ATRN: variants seen among roughly 807,000 people sequenced by gnomAD.
ATRN encodes the protein attractin.
Under a neutral mutation model 178.7 loss-of-function variants are expected in ATRN, and 54 were observed. That is an observed-to-expected ratio of 0.30 (90% CI 0.24 to 0.38). The LOEUF (loss-of-function observed/expected upper bound fraction) is 0.38. ATRN is among the 10% of genes least tolerant of loss of function. The probability of loss-of-function intolerance (pLI) is 1.00; values close to 1 mark genes in which losing one functional copy is unlikely to be tolerated. For missense variants in ATRN, 1,443 were observed against 1,815.1 expected (o/e 0.79, Z 3.73); for synonymous variants, 636 against 663.0 (o/e 0.96, Z 0.63).
At chr20:3,513,408 C>T (rs1244960501) in intron 1 of ATRN, among the ~76,000 whole-genome samples, 1 of 152,166 alleles carries the variant, frequency 6.6e-6, no homozygotes, top group African/African-American at 2.4e-5. Context: ...TGTCAAAGAT[C>T]AGATAGTTGT....
rs1291861511 is a variant in ATRN at position 3,491,075 on chromosome 20, G to A, written c.410+19558G>A. On this transcript the variant is annotated intron_variant, in intron 1 of 28. Coordinates refer to ENST00000262919, the MANE Select transcript of ATRN (RefSeq NM_139321.3). Reference sequence around the variant, plus strand: ...TTTGCTGCTGGTTAAAGGAAATGCAGTGGACTTTTTGCACCTTTCCTAAAG... The same window carrying A: ...TTTGCTGCTGGTTAAAGGAAATGCAATGGACTTTTTGCACCTTTCCTAAAG... The A allele has an allele frequency of 9.0e-6, 7 of 779,708 alleles. No homozygotes were observed. The Admixed American group carries it at 1.1e-4, about 12-fold the overall frequency. 48.3% of individuals were successfully genotyped at this position (779,708 alleles called of 1,614,324 possible).
intron 12 of ATRN, among the ~76,000 whole-genome samples, chr20:3,573,845 A>G (rs1250713349): frequency 6.6e-6 from 1 of 151,624 alleles, no homozygotes; most frequent in Non-Finnish European, 1.5e-5. Flanking sequence ...GCTCACTACA[A>G]CCTCCACCTC....
intron 1 of ATRN, among the ~76,000 whole-genome samples, chr20:3,510,437 G>A (rs1158129902): frequency 1.3e-5 from 2 of 152,214 alleles, no homozygotes; most frequent in Non-Finnish European, 2.9e-5. Flanking sequence ...ATCTGTATAA[G>A]CAGACAGCAG....
chr20:3,588,437 A>G (rs1413909410), intron 18 of ATRN, among the ~76,000 whole-genome samples: 1 of 152,152 alleles, frequency 6.6e-6, no homozygotes, highest in Non-Finnish European at 1.5e-5. Flanking sequence ...GTCTACTTAG[A>G]TGATCACGAA....
intron 24 of ATRN, among the ~76,000 whole-genome samples, chr20:3,621,995 T>C (rs1385717268): frequency 1.3e-5 from 2 of 152,234 alleles, no homozygotes; most frequent in African/African-American, 2.4e-5. Context: ...ACTGGAGATA[T>C]ATGGTCAGTG....
chr20:3,495,635 C>T (rs955491665), intron 1 of ATRN, among the ~76,000 whole-genome samples: 10 of 151,992 alleles, frequency 6.6e-5, no homozygotes, highest in Non-Finnish European at 1.5e-4. Flanking sequence ...AATAGCAGTT[C>T]AGTCTGGGCT....
In ATRN at chr20:3,634,230, CT is replaced by C. The variant is rs1366323462; in HGVS notation, c.3864-80del. ...AGGTGGCATGTGGGAGCTGTTTTCA[CT>C]GCCTGGCCTGAGGTGTGGGCAACGG... On this transcript the variant is annotated intron_variant, in intron 25 of 28. Coordinates refer to ENST00000262919, the MANE Select transcript of ATRN (RefSeq NM_139321.3). The C allele has an allele frequency of 4.3e-5, 58 of 1,340,260 alleles. No homozygotes were observed. The African/African-American group carries it at 8.4e-4, about 19-fold the overall frequency. The allele number at this position is 1,340,260 out of a possible 1,614,324, so 83.0% of individuals were successfully genotyped here. A position where few individuals can be genotyped will look rare whatever the true frequency, so the allele number is the denominator to read the frequency against.
intron 24 of ATRN, chr20:3,615,707 C>T (rs2146307163): frequency 2.3e-6 from 1 of 433,504 alleles, no homozygotes; most frequent in South Asian, 1.6e-5. Flanking sequence ...AGGAACACTT[C>T]ACCACGCCCA....
At chr20:3,610,567 A>ATTTTTTT (rs35770410) in intron 24 of ATRN, among the ~76,000 whole-genome samples, 4 of 93,650 alleles carry the variant, frequency 4.3e-5, no homozygotes, top group Non-Finnish European at 6.1e-5. Context: ...TTCCAGCTGA[A>ATTTTTTT]TTTTTTTTTT....
In ATRN at chr20:3,492,855, GCGCGCGCGCGCGTGCGCA is replaced by G. The variant is rs903702542; in HGVS notation, c.410+21342_410+21359del. Among the ~76,000 whole-genome samples the G allele has an allele frequency of 3.6e-5, 3 of 83,506 alleles. No homozygotes were observed. The African/African-American group carries it at 4.5e-4, about 13-fold the overall frequency. The allele number at this position is 83,506 out of a possible 152,430, so 54.8% of individuals were successfully genotyped here. On this transcript the variant is annotated intron_variant, in intron 1 of 28. Transcript: ENST00000262919. The stretch of plus-strand genomic sequence containing the variant: ...GAAAGGGAGAGAGAGAGAGAGAGAG[GCGCGCGCGCGCGTGCGCA>G]CGCACACACACACACACACACACAT...
At chr20:3,536,472 A>G (rs1486287357) in intron 2 of ATRN, among the ~76,000 whole-genome samples, 1 of 152,192 alleles carries the variant, frequency 6.6e-6, no homozygotes, top group African/African-American at 2.4e-5. Context: ...TGGCCACACA[A>G]AGTGCTGGGA....
At chr20:3,531,309 T>C (rs1001022166) in intron 1 of ATRN, among the ~76,000 whole-genome samples, 3 of 152,236 alleles carry the variant, frequency 2.0e-5, no homozygotes, top group Admixed American at 6.5e-5. Context: ...CAAATGTGAA[T>C]TGTTACAGCC....
At chr20:3,532,678 C>G (rs1177429399) in intron 1 of ATRN, among the ~76,000 whole-genome samples, 1 of 152,082 alleles carries the variant, frequency 6.6e-6, no homozygotes, top group Non-Finnish European at 1.5e-5. Context: ...AAGTTGAGCT[C>G]CAATGCAGGC....
At chr20:3,602,731 G>A (rs754454275) in intron 23 of ATRN, among the ~76,000 whole-genome samples, 10 of 151,712 alleles carry the variant, frequency 6.6e-5, no homozygotes, top group Non-Finnish European at 1.2e-4. Context: ...TGGGAGGCTG[G>A]GGCAGGTGGA....
At chr20:3,540,885 A>C (rs539675750) in intron 3 of ATRN, among the ~76,000 whole-genome samples, 2 of 151,794 alleles carry the variant, frequency 1.3e-5, no homozygotes, top group Non-Finnish European at 2.9e-5. Flanking sequence ...TATTATATAT[A>C]TTTTTTTTCA....
intron 1 of ATRN, among the ~76,000 whole-genome samples, chr20:3,515,017 A>G (rs774998006): frequency 1.1e-4 from 17 of 152,362 alleles, no homozygotes; most frequent in South Asian, 4.1e-4. Context: ...CAAAGAATTT[A>G]GGATAACTAT....
In ATRN at chr20:3,584,741, A is replaced by G. The variant is rs778912643; in HGVS notation, c.3045A>G (p.Lys1015=). 1.9e-6 allele frequency: 3 copies of G among 1,614,134 alleles called. No individual in the cohort carries two copies. Among genetic ancestry groups the G allele is most frequent in the South Asian group, 2.2e-5 (2 of 91,092 alleles). The change falls in exon 18 of 29, where the codon AAA becomes AAG. Residue 1015 remains lysine, a synonymous_variant. Transcript: ENST00000262919. The stretch of plus-strand genomic sequence containing the variant: ...ATCCCAGCAATACTGGCAAAGGGAA[A>G]TGCATAGAGGGTTCCTATAAAGGAC... ...CTDPSNTGKG[K]CIEGSYKGPV...
intron 24 of ATRN, among the ~76,000 whole-genome samples, chr20:3,610,353 G>A (rs551183953): frequency 1.6e-4 from 24 of 152,230 alleles, no homozygotes; most frequent in African/African-American, 5.8e-4. Flanking sequence ...ACAGATCAAT[G>A]GGATAGGCTG....
rs532794796 is a variant in ATRN, at chr20:3,632,153, T to C, written c.3864-2158T>C. On this transcript the variant is annotated intron_variant, in intron 25 of 28. Coordinates refer to ENST00000262919, the MANE Select transcript of ATRN (RefSeq NM_139321.3). This position sits in a 1 kb window ranked among gnomAD's most constrained non-coding sequence, Gnocchi z 4.2. Reference sequence around the variant, plus strand: ...CCGGTAGATATCTCAGGGTTCTGCATGTCTAAAATGGATCTACTGATATGT... The same window carrying C: ...CCGGTAGATATCTCAGGGTTCTGCACGTCTAAAATGGATCTACTGATATGT... 6.6e-6 allele frequency among the ~76,000 whole-genome samples: 1 copy of C among 152,258 alleles called. No individual in the cohort carries two copies. The highest frequency in any genetic ancestry group is 1.9e-4 in the East Asian group (1 of 5,174).
Sources: gnomAD v4.1 joint callset for allele counts (sites outside exome capture counted in the v4.1 genomes callset) on GRCh38, gnomAD v4.1.1 for gene constraint, Gnocchi (gnomAD v3.1) non-coding constraint, MANE v1.5 for transcripts, NCBI Gene and HGNC (gene_info 2026-07-23, HGNC 2026-07-21) for gene names.